Variants in PCDH11X observed in about 807,000 individuals in gnomAD.
The protein encoded by PCDH11X is protocadherin 11 X-linked.
A neutral mutation model predicts 53.3 loss-of-function variants in PCDH11X; 18 were observed. That is an observed-to-expected ratio of 0.34 (90% confidence interval 0.23 to 0.50). The LOEUF is 0.50. Ranked by LOEUF, PCDH11X falls within the 20% of genes least tolerant of loss-of-function variation. The pLI is 0.98. For synonymous variants in PCDH11X, 279 were observed against 393.3 expected, an observed-to-expected ratio of 0.71 and a Z score of 3.44; for missense variants, 570 against 1,032.4, an observed-to-expected ratio of 0.55 and a Z score of 6.14.
chrX:92,294,380 C>T (rs1438535979), intron 8 of PCDH11X, among the ~76,000 whole-genome samples: 1 of 111,418 alleles, frequency 9.0e-6, no homozygotes, highest in Non-Finnish European at 1.9e-5. Flanking sequence ...TGAACTCAGG[C>T]GACCCACCCA....
chrX:92,100,596 T>G (rs1310840662), intron 6 of PCDH11X, among the ~76,000 whole-genome samples: 1 of 111,180 alleles, frequency 9.0e-6, no homozygotes, highest in Non-Finnish European at 1.9e-5. Context: ...CATATTCACT[T>G]CTTTTGTGAT....
At chrX:92,297,179 T>C (rs1180783941) in intron 8 of PCDH11X, among the ~76,000 whole-genome samples, 2 of 110,840 alleles carry the variant, frequency 1.8e-5, no homozygotes, top group Non-Finnish European at 3.8e-5. Context: ...ATTATTTTTT[T>C]GTCATAATTG....
chrX:91,836,054 A>T lies in PCDH11X; in HGVS notation c.540+10A>T. ...CTACGAACTAATTAAGGTGCGTTTT[A>T]AAATCACTTTGTTAAAGATATCATC... On this transcript the variant is annotated intron_variant, in intron 5 of 10. Coordinates refer to ENST00000682573, the MANE Select transcript of PCDH11X (RefSeq NM_032968.5). The T allele has an allele frequency of 8.3e-7, 1 of 1,207,416 alleles. No homozygotes were observed. The highest frequency in any genetic ancestry group is 1.1e-6 in the Non-Finnish European group (1 of 894,137).
chrX:91,941,288 C>T (rs749009001), intron 6 of PCDH11X, among the ~76,000 whole-genome samples: 2 of 111,453 alleles, frequency 1.8e-5, no homozygotes, highest in Non-Finnish European at 3.8e-5. Context: ...AAATGCAGAT[C>T]ATCAGGTTTG....
At chrX:92,053,264 A>C (rs1413703277) in intron 6 of PCDH11X, among the ~76,000 whole-genome samples, 1 of 110,188 alleles carries the variant, frequency 9.1e-6, no homozygotes, top group African/African-American at 3.3e-5. Flanking sequence ...ATCCTGAGGC[A>C]CAGGGTCCCA....
intron 5 of PCDH11X, among the ~76,000 whole-genome samples, chrX:91,865,061 G>T (rs1938892442): frequency 9.0e-6 from 1 of 110,588 alleles, no homozygotes. Context: ...TTCCTGGATG[G>T]TGTTAGTGCT....
chrX:92,240,792 G>A (rs1415939183), intron 7 of PCDH11X, among the ~76,000 whole-genome samples: 1 of 110,703 alleles, frequency 9.0e-6, no homozygotes, highest in Admixed American at 9.7e-5. Flanking sequence ...CTGTGCTAAG[G>A]GAAAATTTCA....
At chrX:92,380,566 T>C (rs2070854166) in intron 8 of PCDH11X, among the ~76,000 whole-genome samples, 2 of 112,238 alleles carry the variant, frequency 1.8e-5, no homozygotes, top group African/African-American at 6.5e-5. Flanking sequence ...TAGCTACTGG[T>C]TGCTGTAGCT....
intron 1 of PCDH11X, among the ~76,000 whole-genome samples, chrX:91,804,223 T>C (rs926103691): frequency 8.9e-6 from 1 of 112,040 alleles, no homozygotes; most frequent in Non-Finnish European, 1.9e-5. Context: ...ATCCTTAAAA[T>C]ATGCCATTTT....
At chrX:91,828,477 C>G (rs1054897510) in intron 4 of PCDH11X, among the ~76,000 whole-genome samples, 2 of 111,038 alleles carry the variant, frequency 1.8e-5, no homozygotes, top group African/African-American at 6.6e-5. Context: ...AGTTGTTTTT[C>G]TATTCATTTA....
At chrX:92,510,123 G>A (rs1183367658) in intron 10 of PCDH11X, among the ~76,000 whole-genome samples, 1 of 104,973 alleles carries the variant, frequency 9.5e-6, no homozygotes. Flanking sequence ...GAAATAAAAT[G>A]TTTATTTTAT....
intron 6 of PCDH11X, among the ~76,000 whole-genome samples, chrX:91,960,470 G>A (rs999185367): frequency 1.2e-4 from 13 of 110,302 alleles, no homozygotes; most frequent in African/African-American, 1.7e-4. Context: ...TGTCTCCTAC[G>A]CTGGAGTGCA....
intron 6 of PCDH11X, among the ~76,000 whole-genome samples, chrX:91,987,980 T>G (rs747681047): frequency 1.3e-3 from 149 of 110,953 alleles, no homozygotes; most frequent in African/African-American, 4.7e-3. Context: ...GTTGTTGTTT[T>G]TTTCATTTAT....
At chrX:92,022,825 C>G (rs1359911578) in intron 6 of PCDH11X, among the ~76,000 whole-genome samples, 1 of 111,224 alleles carries the variant, frequency 9.0e-6, no homozygotes, top group Non-Finnish European at 1.9e-5. Context: ...GTCTCTCAGA[C>G]CACCGTGCAA....
intron 6 of PCDH11X, among the ~76,000 whole-genome samples, chrX:92,159,479 A>G (rs1242114746): frequency 1.9e-5 from 2 of 107,794 alleles, no homozygotes; most frequent in African/African-American, 6.7e-5. Context: ...ATAGTTTAGT[A>G]TTACAAAACT....
intron 6 of PCDH11X, among the ~76,000 whole-genome samples, chrX:91,933,131 A>C (rs1466942334): frequency 9.3e-6 from 1 of 108,034 alleles, no homozygotes; most frequent in Non-Finnish European, 1.9e-5. Flanking sequence ...TAAGATAATC[A>C]AGGTGGGTCT....
intron 6 of PCDH11X, among the ~76,000 whole-genome samples, chrX:92,101,735 G>A (rs6618852): frequency 0.17 from 18,960 of 108,635 alleles, 1,591 homozygotes; most frequent in East Asian, 0.4. Context: ...TTCCTGACTC[G>A]GGCATGTTGA....
intron 10 of PCDH11X, among the ~76,000 whole-genome samples, chrX:92,516,117 T>A (rs994474276): frequency 8.1e-5 from 9 of 111,481 alleles, no homozygotes; most frequent in African/African-American, 2.9e-4. Flanking sequence ...CTGATTTATA[T>A]CTTCTCAGCT....
At chrX:92,177,320 G>A (rs2065926383) in intron 6 of PCDH11X, among the ~76,000 whole-genome samples, 1 of 111,250 alleles carries the variant, frequency 9.0e-6, no homozygotes, top group Admixed American at 9.6e-5. Flanking sequence ...GAGGCATGGT[G>A]CTCTATGCTT....
Sources: allele counts gnomAD v4.1 joint callset (sites outside exome capture counted in the v4.1 genomes callset), GRCh38; gene constraint gnomAD v4.1.1; transcripts MANE v1.5; gene names NCBI Gene and HGNC (gene_info 2026-07-23, HGNC 2026-07-21).